DHDH: variants seen among roughly 807,000 people sequenced by gnomAD.
DHDH encodes the protein dihydrodiol dehydrogenase, also known as trans-1,2-dihydrobenzene-1,2-diol dehydrogenase.
In DHDH, 29 loss-of-function variants were observed where a neutral mutation model predicts 33.2. The ratio of observed to expected loss-of-function variants is 0.87; its 90% CI spans 0.65 to 1.19. DHDH has a LOEUF of 1.19. DHDH is among the 50% of genes most tolerant of loss of function. DHDH has a pLI of 0.00. For missense variants in DHDH, 431 were observed against 455.0 expected, an observed-to-expected ratio of 0.95 and a Z score of 0.48; for synonymous variants, 201 against 187.9, an observed-to-expected ratio of 1.07 and a Z score of -0.57.
Position 48,939,490 on chromosome 19 carries a change from G to T in DHDH, c.408G>T (p.Arg136Ser). The change falls in exon 4 of 7, where the codon AGG (arginine) becomes AGT (serine). Residue 136 changes from arginine (R) to serine (S), a missense_variant. By Grantham distance (110) the Arg-to-Ser change is moderately radical. Coordinates refer to ENST00000221403, the MANE Select transcript of DHDH (RefSeq NM_014475.4). ...TRFFPASEALRSVLAQGTLGD... is the reference protein window; with the variant it reads ...TRFFPASEALSSVLAQGTLGD... Reference sequence around the variant, plus strand: ...TCTTTCCTGCCTCCGAGGCTCTGAGGTCTGTTTTGGCCCAGGGAACTCTAG... The same window carrying T: ...TCTTTCCTGCCTCCGAGGCTCTGAGTTCTGTTTTGGCCCAGGGAACTCTAG... 1 of 1,613,882 alleles carries T rather than the reference G, an allele frequency of 6.2e-7. No individual in the cohort carries two copies. Among genetic ancestry groups the T allele is most frequent in the African/African-American group, 1.3e-5 (1 of 75,018 alleles).
intron 1 of DHDH, among the ~76,000 whole-genome samples, chr19:48,934,744 A>G (rs2270942): frequency 0.34 from 50,962 of 151,574 alleles, 12,010 homozygotes; most frequent in African/African-American, 0.66. Flanking sequence ...TCTTTTCCCC[A>G]CACAAACCTG....
intron 1 of DHDH, among the ~76,000 whole-genome samples, chr19:48,934,519 T>C (rs1170901388): frequency 6.6e-6 from 1 of 152,222 alleles, no homozygotes; most frequent in Non-Finnish European, 1.5e-5. Flanking sequence ...TTCCCATTCC[T>C]TCTATTCTGA....
At chr19:48,944,654 C>A in intron 6 of DHDH, 147 bp downstream of exon 6, 2 of 1,314,490 alleles carry the variant, frequency 1.5e-6, no homozygotes, top group Non-Finnish European at 2.1e-6. Flanking sequence ...CCAGCCTGGG[C>A]AACGGAACAA....
Position 48,940,699 on chromosome 19 carries a change from C to CA in DHDH, c.619+1006dup, listed in dbSNP as rs146253861. On this transcript the variant is annotated intron_variant, in intron 4 of 6. Coordinates refer to ENST00000221403, the MANE Select transcript of DHDH (RefSeq NM_014475.4). The stretch of plus-strand genomic sequence containing the variant: ...TAAAACCCTGTCTCTACGAAAAGTG[C>CA]AAAAAAAATTAGTTGGGCGTGGTGG... Among the ~76,000 whole-genome samples, 598 of 151,888 alleles carry CA rather than the reference C, an allele frequency of 3.9e-3. 3 individuals carry two copies. The highest frequency in any genetic ancestry group is 0.023 in the East Asian group (118 of 5,160).
intron 3 of DHDH, among the ~76,000 whole-genome samples, chr19:48,937,208 C>T (rs2037790366): frequency 6.6e-6 from 1 of 152,176 alleles, no homozygotes; most frequent in South Asian, 2.1e-4. Context: ...TAGCCTACTG[C>T]CACAACACCC....
intron 1 of DHDH, among the ~76,000 whole-genome samples, 179 bp downstream of exon 1, chr19:48,933,990 T>C (rs1275059636): frequency 6.6e-6 from 1 of 152,170 alleles, no homozygotes; most frequent in Non-Finnish European, 1.5e-5. Flanking sequence ...AAAAGAAAGA[T>C]CAGATTGTTA....
intron 1 of DHDH, 62 bp downstream of exon 1, chr19:48,933,873 G>T: frequency 6.6e-7 from 1 of 1,510,626 alleles, no homozygotes. Flanking sequence ...AGAGTCTAAA[G>T]GAGGAGGGAG....
At chr19:48,944,233 A>G in intron 5 of DHDH, 124 bp from the exon 6 acceptor site, 11 of 1,321,596 alleles carry the variant, frequency 8.3e-6, no homozygotes, top group Non-Finnish European at 1.2e-5. Context: ...GGGGATGGAC[A>G]GGGCAAGCTC....
chr19:48,935,616 G>A (rs1169597137), intron 2 of DHDH, among the ~76,000 whole-genome samples: 2 of 151,762 alleles, frequency 1.3e-5, no homozygotes, highest in South Asian at 2.1e-4. Flanking sequence ...CGGAGATGGA[G>A]ACCATCCTGG....
chr19:48,932,796 G>A (rs1286901678), upstream of DHDH, among the ~76,000 whole-genome samples: 1 of 152,014 alleles, frequency 6.6e-6, no homozygotes, highest in Non-Finnish European at 1.5e-5. Context: ...GCGACAGAGC[G>A]AGACCCTATA....
At chr19:48,937,543 T>G (rs11883411) in intron 3 of DHDH, among the ~76,000 whole-genome samples, 52,519 of 151,528 alleles carry the variant, frequency 0.35, 12,448 homozygotes, top group African/African-American at 0.66. Flanking sequence ...CCGGGCGCGG[T>G]GGCTCACGCC....
At chr19:48,935,516 G>A (rs2037759438) in intron 2 of DHDH, among the ~76,000 whole-genome samples, 1 of 148,118 alleles carries the variant, frequency 6.8e-6, no homozygotes, top group Non-Finnish European at 1.5e-5. Flanking sequence ...GTGAGACTTG[G>A]TCTTAGAAAT....
In DHDH at chr19:48,944,476, G is replaced by A. The variant is rs1488240961; in HGVS notation, c.864G>A (p.Glu288=). ...NFDNGAGMSY[E]AKHVWECLRK... ...ACAACGGGGCAGGCATGAGTTATGA[G>A]GCCAAGCACGTCTGGGAGTGCCTAC... Residue 288 remains glutamate, a synonymous_variant, in exon 6 of 7, where the codon GAG becomes GAA. Coordinates refer to ENST00000221403, the MANE Select transcript of DHDH (RefSeq NM_014475.4). 1 of 1,611,196 alleles carries A rather than the reference G, an allele frequency of 6.2e-7. No homozygotes were observed. The highest frequency in any genetic ancestry group is 8.5e-7 in the Non-Finnish European group (1 of 1,178,218).
At position 48,942,693 on chromosome 19, in the gene DHDH, C is replaced by T. The variant is rs2037882342; in HGVS notation, c.744+129C>T. ...CATTGCTAAAGAGTTCCTCCTTAACCAAGCCAAGAGGTGGGTTCTGGGCCT... is the reference window on the plus strand; with the variant it reads ...CATTGCTAAAGAGTTCCTCCTTAACTAAGCCAAGAGGTGGGTTCTGGGCCT... On this transcript the variant is annotated intron_variant, in intron 5 of 6. Coordinates refer to ENST00000221403, the MANE Select transcript of DHDH (RefSeq NM_014475.4). 1.5e-5 allele frequency: 21 copies of T among 1,414,368 alleles called. No individual in the cohort carries two copies. The South Asian group carries it at 2.8e-4, about 19-fold the overall frequency. The allele number at this position is 1,414,368 out of a possible 1,614,324, so 87.6% of individuals were successfully genotyped here.
intron 3 of DHDH, 100 bp from the exon 4 acceptor site, chr19:48,939,349 G>C (rs2037823694): frequency 7.2e-7 from 1 of 1,381,620 alleles, no homozygotes; most frequent in Non-Finnish European, 9.9e-7. Flanking sequence ...GGACTGATGG[G>C]CTGTGTTTGG....
intron 1 of DHDH, 124 bp downstream of exon 1, chr19:48,933,935 T>G: frequency 7.4e-6 from 6 of 812,680 alleles, no homozygotes; most frequent in Non-Finnish European, 1.2e-5. Context: ...AACGTCTGTT[T>G]CCTTGCTACC....
upstream of DHDH, chr19:48,933,540 G>A: frequency 1.6e-6 from 1 of 614,370 alleles, no homozygotes; most frequent in Non-Finnish European, 2.9e-6. Context: ...GGAGCTAAAC[G>A]GTGCATTCGC....
intron 3 of DHDH, among the ~76,000 whole-genome samples, chr19:48,936,498 C>T (rs540887463): frequency 5.3e-5 from 8 of 152,032 alleles, no homozygotes; most frequent in Non-Finnish European, 1.0e-4. Flanking sequence ...AGATCGAGAC[C>T]GTCCTGGCTA....
intron 3 of DHDH, among the ~76,000 whole-genome samples, chr19:48,937,969 C>T (rs948929059): frequency 2.0e-5 from 3 of 152,082 alleles, no homozygotes; most frequent in African/African-American, 7.2e-5. Context: ...GTGTCACCGT[C>T]CCGGCTGTCC....
Sources: gnomAD v4.1 joint callset for allele counts (sites outside exome capture counted in the v4.1 genomes callset) on GRCh38, gnomAD v4.1.1 for gene constraint, MANE v1.5 for transcripts, NCBI Gene and HGNC (gene_info 2026-07-23, HGNC 2026-07-21) for gene names.